Variants in CTNNA2 observed in about 807,000 individuals in gnomAD.
CTNNA2 encodes the protein catenin alpha-2.
CTNNA2 carries 42 observed loss-of-function variants against 101.0 expected under a neutral mutation model. That is an observed-to-expected ratio of 0.42 (90% CI 0.32 to 0.54). The LOEUF is 0.54. Ranked by LOEUF, CTNNA2 falls within the 20% of genes least tolerant of loss-of-function variation. The pLI is 0.14. For missense variants in CTNNA2, 871 were observed against 1,223.1 expected, an observed-to-expected ratio of 0.71 and a Z score of 4.29; for synonymous variants, 450 against 456.4, an observed-to-expected ratio of 0.99 and a Z score of 0.18.
intron 5 of CTNNA2, among the ~76,000 whole-genome samples, chr2:79,506,251 A>T (rs1475605181): frequency 6.6e-6 from 1 of 152,142 alleles, no homozygotes; most frequent in African/African-American, 2.4e-5. Flanking sequence ...TGTTCGATGG[A>T]ACATATATTT....
chr2:79,933,024 T>C (rs1687551882), intron 7 of CTNNA2, among the ~76,000 whole-genome samples: 1 of 152,352 alleles, frequency 6.6e-6, no homozygotes, highest in East Asian at 1.9e-4. Context: ...GTTGTCAATA[T>C]TTCTAGCATA....
At chr2:79,752,200 T>G (rs1045124439) in intron 3 of CTNNA2, among the ~76,000 whole-genome samples, 1 of 152,108 alleles carries the variant, frequency 6.6e-6, no homozygotes, top group Non-Finnish European at 1.5e-5. Context: ...GGTATAGTTT[T>G]GGAAGAAAGA....
intron 3 of CTNNA2, chr2:79,339,863 G>A (rs1047121369): frequency 6.6e-6 from 1 of 152,178 alleles, no homozygotes; most frequent in Non-Finnish European, 1.5e-5. Context: ...CTCATACAAG[G>A]TGATTTTACA....
At chr2:79,355,437 T>C (rs986321797) in intron 3 of CTNNA2, among the ~76,000 whole-genome samples, 1 of 152,194 alleles carries the variant, frequency 6.6e-6, no homozygotes, top group African/African-American at 2.4e-5. Flanking sequence ...GTAGATATCT[T>C]TCCCTTCCTT....
intron 4 of CTNNA2, among the ~76,000 whole-genome samples, chr2:79,859,442 A>T (rs1472746281): frequency 1.3e-5 from 2 of 152,144 alleles, no homozygotes; most frequent in East Asian, 3.9e-4. Context: ...GCCCCAATAA[A>T]GTAGCCAAGA....
At chr2:80,331,743 G>A (rs1350731017) in intron 7 of CTNNA2, among the ~76,000 whole-genome samples, 1 of 152,152 alleles carries the variant, frequency 6.6e-6, no homozygotes, top group African/African-American at 2.4e-5. Flanking sequence ...AAGATGGATT[G>A]GCTTGAGAAA....
At chr2:80,504,276 C>A (rs150950351) in intron 9 of CTNNA2, among the ~76,000 whole-genome samples, 1 of 152,142 alleles carries the variant, frequency 6.6e-6, no homozygotes, top group African/African-American at 2.4e-5. Context: ...TGTTCCCACC[C>A]GATGTTCCTT....
intron 1 of CTNNA2, among the ~76,000 whole-genome samples, chr2:79,646,383 T>C (rs760643435): frequency 3.9e-5 from 6 of 152,158 alleles, no homozygotes; most frequent in Non-Finnish European, 7.3e-5. Context: ...TTTTCTATCA[T>C]GAGTGACAAA....
intron 3 of CTNNA2, among the ~76,000 whole-genome samples, chr2:79,759,594 C>G (rs897570322): frequency 1.3e-5 from 2 of 152,096 alleles, no homozygotes; most frequent in Non-Finnish European, 2.9e-5. Flanking sequence ...TGAGCTCCCG[C>G]CCTGCATCCC....
In CTNNA2 at chr2:80,068,262, G is replaced by A. The variant is rs1698107786; in HGVS notation, c.1056+158465G>A. On this transcript the variant is annotated intron_variant, in intron 7 of 18. Coordinates refer to ENST00000402739, the MANE Select transcript of CTNNA2 (RefSeq NM_001282597.3). ...CACAGTACTGGAGGCCAGTGTTTTT[G>A]GAAGAGGACCAGCAGAATGGAGTGC... is the stretch of plus-strand genomic sequence containing the variant. Among the ~76,000 whole-genome samples, 3 of 152,144 alleles carry A rather than the reference G, an allele frequency of 2.0e-5. No individual in the cohort carries two copies. In the South Asian group the frequency reaches 6.2e-4, roughly 32 times the overall value.
chr2:80,295,697 G>A (rs76049087), intron 7 of CTNNA2, among the ~76,000 whole-genome samples: 14 of 152,306 alleles, frequency 9.2e-5, no homozygotes, highest in African/African-American at 3.1e-4. Flanking sequence ...GCAGTAAGAT[G>A]ATTAACAGAT....
Position 79,408,596 on chromosome 2 carries a change from T to C in CTNNA2, c.-135+34583T>C, listed in dbSNP as rs1573151712. Among the ~76,000 whole-genome samples the C allele has an allele frequency of 3.9e-5, 6 of 152,084 alleles. No individual in the cohort carries two copies. The South Asian group carries it at 1.0e-3, about 26-fold the overall frequency. ...TGCGATAGTTTGCTGAGAATGATGA[T>C]TTCCAATTTCATCCATGTCCCTACA... On this transcript the variant is annotated intron_variant, in intron 4 of 21. Transcript: ENST00000466387.
intron 9 of CTNNA2, among the ~76,000 whole-genome samples, chr2:80,528,185 T>TTTG (rs1282397446): frequency 6.6e-6 from 1 of 152,098 alleles, no homozygotes; most frequent in South Asian, 2.1e-4. Context: ...TAGCTGTATT[T>TTTG]TTGTTGTTGT....
intron 7 of CTNNA2, among the ~76,000 whole-genome samples, chr2:80,218,413 G>T (rs1352519552): frequency 1.3e-5 from 2 of 152,236 alleles, no homozygotes; most frequent in Non-Finnish European, 2.9e-5. Context: ...TTCATGAAAA[G>T]ACCAGACAAA....
chr2:80,345,070 T>C (rs1207552643), intron 7 of CTNNA2, among the ~76,000 whole-genome samples: 1 of 152,192 alleles, frequency 6.6e-6, no homozygotes, highest in Non-Finnish European at 1.5e-5. Context: ...TGCCACCCTC[T>C]TTCCAGGTCT....
intron 7 of CTNNA2, among the ~76,000 whole-genome samples, chr2:80,328,018 AT>A (rs1363742734): frequency 6.6e-6 from 1 of 152,236 alleles, no homozygotes; most frequent in Non-Finnish European, 1.5e-5. Flanking sequence ...TGGATGGCTT[AT>A]CTAGCACTCT....
At chr2:79,466,316 C>T (rs1183570963) in intron 4 of CTNNA2, among the ~76,000 whole-genome samples, 1 of 152,158 alleles carries the variant, frequency 6.6e-6, no homozygotes, top group Non-Finnish European at 1.5e-5. Flanking sequence ...TGCAAGGTGG[C>T]AGCAAGGCTG....
At chr2:80,552,188 A>T (rs1692617623) in intron 11 of CTNNA2, among the ~76,000 whole-genome samples, 1 of 152,178 alleles carries the variant, frequency 6.6e-6, no homozygotes, top group Admixed American at 6.5e-5. Flanking sequence ...CATCAAAACG[A>T]TAATGAAAAA....
At chr2:80,480,490 T>A (rs975263762) in intron 9 of CTNNA2, among the ~76,000 whole-genome samples, 10 of 152,088 alleles carry the variant, frequency 6.6e-5, no homozygotes, top group Non-Finnish European at 1.2e-4. Context: ...GGAGTAGGAC[T>A]GGTAAGTTTG....
Sources: gnomAD v4.1 joint callset for allele counts (sites outside exome capture counted in the v4.1 genomes callset) on GRCh38, gnomAD v4.1.1 for gene constraint, MANE v1.5 for transcripts, NCBI Gene and HGNC (gene_info 2026-07-23, HGNC 2026-07-21) for gene names.